SDK1: variants seen among roughly 807,000 people sequenced by gnomAD.
The protein encoded by SDK1 is sidekick cell adhesion molecule 1.
In SDK1, 157 loss-of-function variants were observed where a neutral mutation model predicts 245.5. The observed-to-expected ratio is 0.64, with a 90% confidence interval of 0.56 to 0.73. The LOEUF (loss-of-function observed/expected upper bound fraction) is 0.73. SDK1 is among the 30% of genes least tolerant of loss of function. The pLI, the probability that SDK1 is intolerant of heterozygous loss-of-function variation, is 0.00. For synonymous variants in SDK1, 1,647 were observed against 1,278.5 expected (o/e 1.29, Z -6.15); for missense variants, 3,583 against 3,002.3 (o/e 1.19, Z -4.52).
intron 5 of SDK1, among the ~76,000 whole-genome samples, chr7:3,847,815 C>G (rs145407190): frequency 2.6e-5 from 4 of 152,252 alleles, no homozygotes; most frequent in African/African-American, 9.6e-5. Context: ...CTAGAATATC[C>G]CTTAGATGAC....
chr7:3,398,566 T>G (rs1408011413), intron 1 of SDK1, among the ~76,000 whole-genome samples: 1 of 152,036 alleles, frequency 6.6e-6, no homozygotes, highest in African/African-American at 2.4e-5. Flanking sequence ...CGGGCATATT[T>G]CAAAATACTT....
chr7:4,239,982 C>G (rs1786419393), intron 42 of SDK1, among the ~76,000 whole-genome samples: 1 of 152,150 alleles, frequency 6.6e-6, no homozygotes, highest in African/African-American at 2.4e-5. Context: ...CCTAAAATGC[C>G]TCCTTATTTG....
intron 22 of SDK1, among the ~76,000 whole-genome samples, chr7:4,110,022 C>T (rs1448674350): frequency 6.6e-6 from 1 of 152,132 alleles, no homozygotes; most frequent in Non-Finnish European, 1.5e-5. Flanking sequence ...AGGCAAGTCT[C>T]TGTTGAAGGG....
At chr7:4,210,956 G>A (rs1157026037) in intron 38 of SDK1, among the ~76,000 whole-genome samples, 2 of 152,194 alleles carry the variant, frequency 1.3e-5, no homozygotes, top group African/African-American at 2.4e-5. Flanking sequence ...AAGATCTTCC[G>A]AAGGGAGGAT....
chr7:3,968,163 T>G (rs914963781), intron 10 of SDK1, among the ~76,000 whole-genome samples: 5 of 152,192 alleles, frequency 3.3e-5, no homozygotes, highest in Non-Finnish European at 7.4e-5. Flanking sequence ...ACGGCCTTTG[T>G]TTTGTTGAAG....
chr7:3,579,040 C>T (rs765568090), intron 1 of SDK1, among the ~76,000 whole-genome samples: 25 of 151,822 alleles, frequency 1.6e-4, no homozygotes, highest in Non-Finnish European at 2.5e-4. Flanking sequence ...GTTCCTCTGC[C>T]GCGGCTCCAG....
chr7:3,582,214 C>T (rs989858034), intron 1 of SDK1, among the ~76,000 whole-genome samples: 13 of 147,954 alleles, frequency 8.8e-5, no homozygotes, highest in East Asian at 2.0e-4. Flanking sequence ...GGTAGGTCTC[C>T]CTCAGGTAGG....
intron 32 of SDK1, among the ~76,000 whole-genome samples, chr7:4,171,835 G>A (rs972484129): frequency 2.0e-5 from 3 of 152,248 alleles, no homozygotes; most frequent in East Asian, 1.9e-4. Context: ...CTGCAAGCCC[G>A]CAGGATGGAT....
At chr7:4,076,775 G>T (rs1780709310) in intron 20 of SDK1, among the ~76,000 whole-genome samples, 1 of 152,118 alleles carries the variant, frequency 6.6e-6, no homozygotes, top group South Asian at 2.1e-4. Flanking sequence ...CCCCTGTGGT[G>T]GGACCGTCAC....
At chr7:3,622,621 C>G (rs1420638812) in intron 2 of SDK1, among the ~76,000 whole-genome samples, 1 of 152,180 alleles carries the variant, frequency 6.6e-6, no homozygotes, top group African/African-American at 2.4e-5. Context: ...GTGGAACACT[C>G]TTTGTATTCT....
intron 17 of SDK1, among the ~76,000 whole-genome samples, chr7:4,030,800 T>G (rs912532339): frequency 2.0e-5 from 3 of 152,208 alleles, no homozygotes; most frequent in Non-Finnish European, 4.4e-5. Context: ...CACTTATATT[T>G]AAAGCTTTGG....
chr7:4,267,469 A>C lies in SDK1; in HGVS notation c.*2085A>C. The C allele has an allele frequency of 1.0e-6, 1 of 985,398 alleles. No homozygotes were observed. Among genetic ancestry groups the C allele is most frequent in the Non-Finnish European group, 1.2e-6 (1 of 829,942 alleles). 61.0% of individuals were successfully genotyped at this position (985,398 alleles called of 1,614,324 possible). ...CAGTTCCCCGGATGAGACTCACCAC[A>C]GTGGACAGTGCCACCTCCTTCCCCT... On this transcript the variant is annotated 3_prime_UTR_variant, in exon 45 of 45. Coordinates refer to ENST00000404826, the MANE Select transcript of SDK1 (RefSeq NM_152744.4).
At chr7:3,505,607 A>G (rs777958993) in intron 1 of SDK1, among the ~76,000 whole-genome samples, 1 of 152,218 alleles carries the variant, frequency 6.6e-6, no homozygotes, top group Non-Finnish European at 1.5e-5. Flanking sequence ...AAAATAGTAT[A>G]TAGTTGGCCC....
At chr7:3,391,673 G>C (rs1042782464) in intron 1 of SDK1, among the ~76,000 whole-genome samples, 1 of 128,644 alleles carries the variant, frequency 7.8e-6, no homozygotes, top group Non-Finnish European at 1.6e-5. Flanking sequence ...GTCTTGCTCT[G>C]TCTCCTGGGT....
At chr7:3,428,945 G>A (rs530207230) in intron 1 of SDK1, among the ~76,000 whole-genome samples, 2 of 152,334 alleles carry the variant, frequency 1.3e-5, no homozygotes, top group Admixed American at 6.5e-5. Flanking sequence ...GCAGCAGTGG[G>A]TAGGGATGTT....
intron 2 of SDK1, among the ~76,000 whole-genome samples, chr7:3,629,340 C>G (rs1225754986): frequency 2.0e-5 from 3 of 151,422 alleles, no homozygotes; most frequent in East Asian, 1.9e-4. Flanking sequence ...GAAAAAAGCA[C>G]TACACAGAGA....
chr7:3,315,968 A>T lies in SDK1; in HGVS notation c.298+14084A>T, dbSNP rs1001011332. Among the ~76,000 whole-genome samples the T allele has an allele frequency of 3.9e-5, 6 of 152,196 alleles. No homozygotes were observed. The East Asian group carries it at 1.2e-3, about 29-fold the overall frequency. On this transcript the variant is annotated intron_variant, in intron 1 of 44. Coordinates refer to ENST00000404826, the MANE Select transcript of SDK1 (RefSeq NM_152744.4). The stretch of plus-strand genomic sequence containing the variant: ...AAACTCCTTTGAAAGATGGATTGAT[A>T]AACACATTTGTACCATCGATTTCTG...
chr7:3,734,397 C>A (rs1008508847), intron 4 of SDK1, among the ~76,000 whole-genome samples: 2 of 152,184 alleles, frequency 1.3e-5, no homozygotes. Context: ...GGAAATACTT[C>A]TACCCCAAAT....
In SDK1 at chr7:3,348,919, G is replaced by A. The variant is rs77379059; in HGVS notation, c.298+47035G>A. On this transcript the variant is annotated intron_variant, in intron 1 of 44. Transcript: ENST00000404826. ...AAGATGCACATGTGAAAAGCTGCCT[G>A]TCACATGAAAGAGTTTGATGCCATG... 4.7e-4 allele frequency among the ~76,000 whole-genome samples: 71 copies of A among 152,286 alleles called. 1 individual carries two copies. The East Asian group carries it at 0.011, about 23-fold the overall frequency.
Sources: gnomAD v4.1 joint callset for allele counts (sites outside exome capture counted in the v4.1 genomes callset) on GRCh38, gnomAD v4.1.1 for gene constraint, MANE v1.5 for transcripts, NCBI Gene and HGNC (gene_info 2026-07-23, HGNC 2026-07-21) for gene names.